The following VAT1L variants were observed in gnomAD, a reference collection of about 807,000 sequenced individuals.
The protein encoded by VAT1L is vesicle amine transport 1 like.
A neutral mutation model predicts 44.1 loss-of-function variants in VAT1L; 34 were observed. The observed-to-expected ratio is 0.77, with a 90% CI of 0.59 to 1.03. The LOEUF (loss-of-function observed/expected upper bound fraction) is 1.03, where lower values mean the gene tolerates loss of function less well. Ranked by LOEUF, VAT1L falls within the 50% of genes least tolerant of loss-of-function variation. The probability of loss-of-function intolerance (pLI) is 0.00; values close to 1 mark genes in which losing one functional copy is unlikely to be tolerated. For synonymous variants in VAT1L, 253 were observed against 202.2 expected, an observed-to-expected ratio of 1.25 and a Z score of -2.13; for missense variants, 615 against 538.8, an observed-to-expected ratio of 1.14 and a Z score of -1.40.
At chr16:77,924,069 T>G (rs921617444) in intron 7 of VAT1L, among the ~76,000 whole-genome samples, 1 of 152,044 alleles carries the variant, frequency 6.6e-6, no homozygotes, top group Admixed American at 6.6e-5. Context: ...AGCAACTGAT[T>G]CAACATCTCT....
intron 8 of VAT1L, among the ~76,000 whole-genome samples, chr16:77,976,405 G>A (rs992857793): frequency 2.0e-5 from 3 of 152,320 alleles, no homozygotes; most frequent in South Asian, 2.1e-4. Context: ...CTGGGCAGAG[G>A]GGGTAGAGGA....
intron 5 of VAT1L, among the ~76,000 whole-genome samples, chr16:77,877,902 G>A (rs368859710): frequency 6.6e-6 from 1 of 152,186 alleles, no homozygotes; most frequent in East Asian, 1.9e-4. Context: ...TGAAGTGGAC[G>A]TGTGGTTTAT....
At chr16:77,893,709 T>C (rs577657965) in intron 7 of VAT1L, among the ~76,000 whole-genome samples, 1 of 152,328 alleles carries the variant, frequency 6.6e-6, no homozygotes, top group African/African-American at 2.4e-5. Context: ...TATCCAGGTA[T>C]TATTATCCCC....
intron 7 of VAT1L, among the ~76,000 whole-genome samples, chr16:77,938,607 C>T (rs1263032918): frequency 2.6e-5 from 4 of 152,178 alleles, no homozygotes; most frequent in Non-Finnish European, 4.4e-5. Context: ...CTGCTCTGGC[C>T]ATGTAAAGAC....
intron 1 of VAT1L, 122 bp from the exon 2 acceptor site, chr16:77,816,799 A>C (rs2016363173): frequency 7.9e-7 from 1 of 1,260,252 alleles, no homozygotes; most frequent in African/African-American, 1.5e-5. Context: ...AAAAAAAGAC[A>C]GGAAGGAGTG....
rs376101074 is a variant in VAT1L, at chr16:77,862,969, G to C, written c.722+79G>C. ...AGAGCAGTAGCACTTATTTAAAAGA[G>C]GGATAATAATAATATGTAGCAAACA... On this transcript the variant is annotated intron_variant, in intron 4 of 8. Transcript: ENST00000302536. 132 of 1,504,552 alleles carry C rather than the reference G, an allele frequency of 8.8e-5. No individual in the cohort carries two copies. The African/African-American group carries it at 1.7e-3, about 20-fold the overall frequency. The allele number at this position is 1,504,552 out of a possible 1,614,324, so 93.2% of individuals were successfully genotyped here.
At chr16:77,875,089 A>G (rs996168953) in intron 4 of VAT1L, among the ~76,000 whole-genome samples, 4 of 152,306 alleles carry the variant, frequency 2.6e-5, no homozygotes, top group Admixed American at 2.6e-4. Flanking sequence ...TTTGTTTTGA[A>G]CTTTCAGGTG....
At chr16:77,935,178 A>G (rs1409452691) in intron 7 of VAT1L, among the ~76,000 whole-genome samples, 1 of 152,230 alleles carries the variant, frequency 6.6e-6, no homozygotes, top group African/African-American at 2.4e-5. Flanking sequence ...TGAAAAAAAT[A>G]GTAAAAGATT....
At chr16:77,862,623 T>TAAAAAAA (rs34096024) in intron 3 of VAT1L, 125 bp from the exon 4 acceptor site, 23 of 396,580 alleles carry the variant, frequency 5.8e-5, no homozygotes, top group South Asian at 2.4e-4. Flanking sequence ...ACTCCATCTC[T>TAAAAAAA]AAAAAAAAAA....
At chr16:77,804,138 G>A (rs2016113645) in intron 1 of VAT1L, among the ~76,000 whole-genome samples, 1 of 152,160 alleles carries the variant, frequency 6.6e-6, no homozygotes, top group African/African-American at 2.4e-5. Context: ...GGGGTCTGTT[G>A]AATTTCAATT....
chr16:77,974,255 C>T (rs1027581441), intron 8 of VAT1L, among the ~76,000 whole-genome samples: 23 of 152,144 alleles, frequency 1.5e-4, no homozygotes, highest in African/African-American at 5.3e-4. Flanking sequence ...GTCTCCTGTA[C>T]ACCTCTTTGT....
chr16:77,919,583 T>C (rs2017589190), intron 7 of VAT1L, among the ~76,000 whole-genome samples: 1 of 152,144 alleles, frequency 6.6e-6, no homozygotes, highest in African/African-American at 2.4e-5. Flanking sequence ...TTTTTTCAAT[T>C]GGTGGCTCTC....
At chr16:77,874,822 A>G (rs975000501) in intron 4 of VAT1L, among the ~76,000 whole-genome samples, 30 of 147,030 alleles carry the variant, frequency 2.0e-4, no homozygotes, top group Admixed American at 1.5e-3. Flanking sequence ...TGAATATTTA[A>G]TGAACAAATT....
At chr16:77,934,339 C>G (rs2017767359) in intron 7 of VAT1L, among the ~76,000 whole-genome samples, 1 of 151,954 alleles carries the variant, frequency 6.6e-6, no homozygotes, top group Non-Finnish European at 1.5e-5. Context: ...TGTTCTAATC[C>G]CTTGGACCTG....
chr16:77,955,593 CACTCGTCTGTA>C (rs1489036237), intron 7 of VAT1L, among the ~76,000 whole-genome samples: 2 of 152,060 alleles, frequency 1.3e-5, no homozygotes, highest in Non-Finnish European at 2.9e-5. Context: ...GGGGTGATGG[CACTCGTCTGTA>C]ACCCCAGCTA....
Position 77,879,585 on chromosome 16 carries a change from T to C in VAT1L, c.882+361T>C, listed in dbSNP as rs542927476. Reference sequence around the variant, plus strand: ...ACAGGCGTGAGCCACCGCACCCAGCTGTGAGCTCTTCTATCATAAGGCATT... The same window carrying C: ...ACAGGCGTGAGCCACCGCACCCAGCCGTGAGCTCTTCTATCATAAGGCATT... On this transcript the variant is annotated intron_variant, in intron 6 of 8. Coordinates refer to ENST00000302536, the MANE Select transcript of VAT1L (RefSeq NM_020927.3). The surrounding 1 kb of genome is among the most constrained non-coding windows in gnomAD (Gnocchi z 4.1). Among the ~76,000 whole-genome samples, 13 of 152,306 alleles carry C rather than the reference T, an allele frequency of 8.5e-5. No individual in the cohort carries two copies. Among genetic ancestry groups the C allele is most frequent in the African/African-American group, 2.9e-4 (12 of 41,564 alleles).
chr16:77,837,776 C>T (rs529996098), intron 3 of VAT1L, among the ~76,000 whole-genome samples: 12 of 152,250 alleles, frequency 7.9e-5, no homozygotes, highest in Admixed American at 3.3e-4. Context: ...AGGTCTAATA[C>T]GTATTGTATC....
chr16:77,975,216 T>C (rs1368164428), intron 8 of VAT1L, among the ~76,000 whole-genome samples: 1 of 134,158 alleles, frequency 7.5e-6, no homozygotes, highest in African/African-American at 2.9e-5. Context: ...TTTTTTTTTT[T>C]TTTTTTTTTT....
At chr16:77,802,659 CACACACACACT>C (rs1331105583) in intron 1 of VAT1L, among the ~76,000 whole-genome samples, 158 of 134,358 alleles carry the variant, frequency 1.2e-3, no homozygotes, top group African/African-American at 3.6e-3. Flanking sequence ...CACACACACA[CACACACACACT>C]AAAGTTGCAT....
Sources: allele counts gnomAD v4.1 joint callset (sites outside exome capture counted in the v4.1 genomes callset), GRCh38; gene constraint gnomAD v4.1.1; non-coding constraint Gnocchi (gnomAD v3.1); transcripts MANE v1.5; gene names NCBI Gene and HGNC (gene_info 2026-07-23, HGNC 2026-07-21).